Variants in KLHL32 observed in about 807,000 individuals in gnomAD.
KLHL32 encodes kelch-like protein 32.
A neutral mutation model predicts 64.8 loss-of-function variants in KLHL32; 35 were observed. The observed-to-expected ratio is 0.54, with a 90% CI of 0.41 to 0.72. The LOEUF (loss-of-function observed/expected upper bound fraction) is 0.72, where lower values mean the gene tolerates loss of function less well. KLHL32 is among the 30% of genes least tolerant of loss of function. The probability of loss-of-function intolerance (pLI) is 0.00; values close to 1 mark genes in which losing one functional copy is unlikely to be tolerated. For missense variants in KLHL32, 589 were observed against 768.5 expected (o/e 0.77, Z 2.76); for synonymous variants, 259 against 281.0 (o/e 0.92, Z 0.78).
At chr6:97,126,961 A>G (rs1798938750) in intron 7 of KLHL32, among the ~76,000 whole-genome samples, 1 of 152,184 alleles carries the variant, frequency 6.6e-6, no homozygotes, top group Non-Finnish European at 1.5e-5. Flanking sequence ...AAGTAATATC[A>G]AGAGATATCA....
intron 4 of KLHL32, among the ~76,000 whole-genome samples, chr6:97,055,535 T>G (rs1028236113): frequency 1.3e-5 from 2 of 152,136 alleles, no homozygotes; most frequent in Admixed American, 6.5e-5. Flanking sequence ...TGGTGGCTCA[T>G]GCCTGTAATC....
chr6:97,021,068 A>G (rs9398293), intron 3 of KLHL32, among the ~76,000 whole-genome samples: 1 of 151,134 alleles, frequency 6.6e-6, no homozygotes, highest in East Asian at 1.9e-4. Flanking sequence ...AGAGAAAAAA[A>G]GATTTATTAT....
intron 5 of KLHL32, among the ~76,000 whole-genome samples, chr6:97,072,075 G>A (rs1342975554): frequency 6.6e-6 from 1 of 152,092 alleles, no homozygotes; most frequent in East Asian, 1.9e-4. Context: ...ACTTCGGCTT[G>A]GGTATTTCTC....
chr6:96,929,938 G>A (rs552150243), intron 1 of KLHL32, among the ~76,000 whole-genome samples: 124 of 152,314 alleles, frequency 8.1e-4, no homozygotes, highest in African/African-American at 2.8e-3. Context: ...TTTAAATGAA[G>A]AAGAAATGTC....
chr6:96,932,429 C>T (rs572845361), intron 1 of KLHL32, among the ~76,000 whole-genome samples: 3 of 152,038 alleles, frequency 2.0e-5, no homozygotes, highest in African/African-American at 7.2e-5. Context: ...CATGCACAGC[C>T]CTTAGGCCTT....
chr6:97,083,932 A>G (rs1020739893), intron 5 of KLHL32, among the ~76,000 whole-genome samples: 3 of 152,150 alleles, frequency 2.0e-5, no homozygotes, highest in Admixed American at 6.5e-5. Context: ...ACAAAAAGCA[A>G]TGGTTTTGCT....
At chr6:96,961,142 G>T (rs765575566) in intron 1 of KLHL32, among the ~76,000 whole-genome samples, 26 of 152,164 alleles carry the variant, frequency 1.7e-4, no homozygotes, top group African/African-American at 6.3e-4. Flanking sequence ...AAAATATTTT[G>T]ATTTCCTTCT....
intron 3 of KLHL32, among the ~76,000 whole-genome samples, chr6:97,020,908 T>C (rs940449376): frequency 1.3e-5 from 2 of 150,684 alleles, no homozygotes; most frequent in African/African-American, 5.0e-5. Flanking sequence ...CACCTTGCTG[T>C]CTCTATTAGC....
intron 1 of KLHL32, among the ~76,000 whole-genome samples, chr6:96,961,925 C>G (rs771039503): frequency 1.1e-4 from 16 of 152,204 alleles, no homozygotes; most frequent in Non-Finnish European, 2.4e-4. Context: ...TAGACAAAAG[C>G]TGCCCCCTAG....
chr6:97,060,715 T>G (rs1292234249), intron 4 of KLHL32, among the ~76,000 whole-genome samples: 1 of 152,118 alleles, frequency 6.6e-6, no homozygotes, highest in Non-Finnish European at 1.5e-5. Flanking sequence ...GCACACAGTA[T>G]TCAAGAGTGC....
rs771844674 is a variant in KLHL32 at position 97,127,426 on chromosome 6, A to G, written c.1377A>G (p.Gln459=). ...WISGGVTNTA[Q]YQNRLMVYEP... ...CAGGTGGAGTAACTAATACGGCACAATATCAGAACAGGCTAATGGTGTATG... is the reference window on the plus strand; with the variant it reads ...CAGGTGGAGTAACTAATACGGCACAGTATCAGAACAGGCTAATGGTGTATG... The change falls in exon 8 of 11, where the codon CAA becomes CAG. Residue 459 remains glutamine (Q), a synonymous_variant. Transcript: ENST00000369261. The G allele has an allele frequency of 2.5e-6, 4 of 1,613,450 alleles. No homozygotes were observed. Among genetic ancestry groups the G allele is most frequent in the African/African-American group, 1.3e-5 (1 of 75,032 alleles).
chr6:97,056,263 G>A (rs1418636342), intron 4 of KLHL32, among the ~76,000 whole-genome samples: 4 of 151,538 alleles, frequency 2.6e-5, no homozygotes, highest in East Asian at 1.9e-4. Context: ...CCGCCACCAC[G>A]CCCGGCTAAT....
intron 3 of KLHL32, among the ~76,000 whole-genome samples, chr6:97,037,693 G>A (rs1784503803): frequency 6.6e-6 from 1 of 151,900 alleles, no homozygotes; most frequent in Admixed American, 6.6e-5. Context: ...AAATATAAAT[G>A]GAACCACAAA....
chr6:97,100,821 T>G (rs1158694176), intron 6 of KLHL32, among the ~76,000 whole-genome samples: 5 of 146,352 alleles, frequency 3.4e-5, no homozygotes, highest in Non-Finnish European at 6.1e-5. Context: ...TTTTTTTTTT[T>G]GAGACACGGT....
chr6:97,006,762 T>A (rs547120264), intron 3 of KLHL32, among the ~76,000 whole-genome samples: 1 of 152,174 alleles, frequency 6.6e-6, no homozygotes, highest in Non-Finnish European at 1.5e-5. Flanking sequence ...CTTAGTTTGG[T>A]TAGGTATGAC....
intron 1 of KLHL32, among the ~76,000 whole-genome samples, chr6:96,948,465 T>C (rs889748738): frequency 6.6e-6 from 1 of 152,128 alleles, no homozygotes; most frequent in Non-Finnish European, 1.5e-5. Context: ...AATTTTGTGA[T>C]GTAGGTGTGT....
At chr6:96,991,442 G>GTAA (rs1439537720) in intron 3 of KLHL32, among the ~76,000 whole-genome samples, 2 of 152,026 alleles carry the variant, frequency 1.3e-5, no homozygotes, top group African/African-American at 4.8e-5. Flanking sequence ...CCCCAATGCA[G>GTAA]TAAGGGTGGT....
At chr6:96,898,717 A>C in the KLHL32 span, among the ~76,000 whole-genome samples, 1 of 152,126 alleles carries the variant, frequency 6.6e-6, no homozygotes, top group African/African-American at 2.4e-5. Flanking sequence ...AACAAACAAA[A>C]AAACGAGTGT....
chr6:96,933,945 G>A (rs757154108), intron 1 of KLHL32, among the ~76,000 whole-genome samples: 1 of 152,198 alleles, frequency 6.6e-6, no homozygotes, highest in African/African-American at 2.4e-5. Context: ...TTTTCACTCT[G>A]TAAGGAGTGA....
Sources: gnomAD v4.1 joint callset for allele counts (sites outside exome capture counted in the v4.1 genomes callset) on GRCh38, gnomAD v4.1.1 for gene constraint, MANE v1.5 for transcripts, NCBI Gene and HGNC (gene_info 2026-07-23, HGNC 2026-07-21) for gene names.